GOLM2: variants seen among roughly 807,000 people sequenced by gnomAD.
The protein encoded by GOLM2 is golgi membrane protein 2.
A neutral mutation model predicts 55.9 loss-of-function variants in GOLM2; 26 were observed. That is an observed-to-expected ratio of 0.47 (90% confidence interval 0.34 to 0.65). The LOEUF is 0.65. GOLM2 is among the 30% of genes least tolerant of loss of function. GOLM2 has a pLI of 0.01. For missense variants in GOLM2, 486 were observed against 531.8 expected, an observed-to-expected ratio of 0.91 and a Z score of 0.85; for synonymous variants, 165 against 194.6, an observed-to-expected ratio of 0.85 and a Z score of 1.27.
intron 1 of GOLM2, among the ~76,000 whole-genome samples, chr15:44,321,181 G>T (rs1461371429): frequency 6.6e-6 from 1 of 152,016 alleles, no homozygotes; most frequent in Non-Finnish European, 1.5e-5. Context: ...GACTATAACA[G>T]ATTGCATGGG....
intron 4 of GOLM2, among the ~76,000 whole-genome samples, chr15:44,335,699 G>C (rs2079051554): frequency 6.6e-6 from 1 of 151,880 alleles, no homozygotes; most frequent in African/African-American, 2.4e-5. Context: ...TAAACTATCA[G>C]AATTGATTAT....
intron 1 of GOLM2, among the ~76,000 whole-genome samples, chr15:44,319,517 G>A (rs2078934809): frequency 6.6e-6 from 1 of 152,122 alleles, no homozygotes; most frequent in Admixed American, 6.6e-5. Flanking sequence ...ACCACGCCTG[G>A]CCTTCCAGTT....
intron 8 of GOLM2, among the ~76,000 whole-genome samples, chr15:44,383,102 C>T (rs138971487): frequency 0.019 from 2,799 of 150,636 alleles, 85 homozygotes; most frequent in African/African-American, 0.065. Flanking sequence ...AATATATACA[C>T]ATATATTCTG....
rs573621063 is a variant in GOLM2 at position 44,366,432 on chromosome 15, A to C, written c.803-13258A>C. Among the ~76,000 whole-genome samples, 12 of 152,182 alleles carry C rather than the reference A, an allele frequency of 7.9e-5. 1 individual carries two copies. In the South Asian group the frequency reaches 2.3e-3, roughly 29 times the overall value. On this transcript the variant is annotated intron_variant, in intron 6 of 9. Coordinates refer to ENST00000299957, the MANE Select transcript of GOLM2 (RefSeq NM_138423.4). ...TAAGGCAGGAGGATCGCTTGAGTCC[A>C]GGAGTTTGAGACCAGTCTGGACAAC...
rs140051987 is a variant in GOLM2, at chr15:44,355,388, G to A, written c.802+17071G>A. The A allele has an allele frequency of 1.9e-3, 327 of 167,866 alleles. 3 individuals are homozygous for A. The highest frequency in any genetic ancestry group is 6.7e-3 in the Admixed American group (104 of 15,504). The allele number at this position is 167,866 out of a possible 1,614,324, so 10.4% of individuals were successfully genotyped here. Reference sequence around the variant, plus strand: ...GGAGATCACTGGCATGGCCTTCCTCGTCCCTACCACCAATGTGTCAGTTGT... The same window carrying A: ...GGAGATCACTGGCATGGCCTTCCTCATCCCTACCACCAATGTGTCAGTTGT... On this transcript the variant is annotated intron_variant, in intron 6 of 9. Transcript: ENST00000299957.
chr15:44,374,120 T>A (rs1035874700), intron 6 of GOLM2, among the ~76,000 whole-genome samples: 1 of 151,894 alleles, frequency 6.6e-6, no homozygotes, highest in Non-Finnish European at 1.5e-5. Context: ...TAAATAAATA[T>A]ATAAATAAAT....
At chr15:44,400,574 C>CGT (rs1411083873) in intron 8 of GOLM2, among the ~76,000 whole-genome samples, 4 of 111,022 alleles carry the variant, frequency 3.6e-5, no homozygotes, top group African/African-American at 1.6e-4. Context: ...GCCTTGCCGC[C>CGT]TTTTTTTTTT....
At chr15:44,359,156 T>TAAG (rs906610850) in intron 6 of GOLM2, among the ~76,000 whole-genome samples, 32 of 147,534 alleles carry the variant, frequency 2.2e-4, no homozygotes, top group Non-Finnish European at 4.2e-4. Flanking sequence ...TCTCAAAAAA[T>TAAG]AATAATAATA....
chr15:44,339,082 A>G (rs2079075222), intron 6 of GOLM2, among the ~76,000 whole-genome samples: 1 of 152,162 alleles, frequency 6.6e-6, no homozygotes, highest in Admixed American at 6.6e-5. Context: ...TCTCAGTCTC[A>G]GTAATTACTT....
intron 6 of GOLM2, among the ~76,000 whole-genome samples, chr15:44,377,825 A>G (rs1392937968): frequency 1.3e-5 from 2 of 151,882 alleles, no homozygotes; most frequent in African/African-American, 4.8e-5. Context: ...ATAAGATAGT[A>G]TATATGATAT....
At chr15:44,365,251 G>T (rs980171711) in intron 6 of GOLM2, among the ~76,000 whole-genome samples, 2 of 152,172 alleles carry the variant, frequency 1.3e-5, no homozygotes, top group Non-Finnish European at 2.9e-5. Context: ...AGAAAGCTGG[G>T]TGTGGTAATT....
chr15:44,347,463 A>T (rs1003057174), intron 6 of GOLM2, among the ~76,000 whole-genome samples: 1 of 152,154 alleles, frequency 6.6e-6, no homozygotes, highest in African/African-American at 2.4e-5. Flanking sequence ...AGTGCTGCCA[A>T]CACTGAGCAG....
At chr15:44,330,135 C>T (rs1374575365) in intron 3 of GOLM2, among the ~76,000 whole-genome samples, 2 of 146,424 alleles carry the variant, frequency 1.4e-5, no homozygotes, top group Non-Finnish European at 3.0e-5. Flanking sequence ...TGGTCTCGAT[C>T]TCCTGACCTC....
chr15:44,395,996 A>G (rs560483723), intron 8 of GOLM2, among the ~76,000 whole-genome samples: 1 of 152,296 alleles, frequency 6.6e-6, no homozygotes, highest in African/African-American at 2.4e-5. Context: ...ATACAAACAT[A>G]CATGTATACC....
At chr15:44,315,161 A>G (rs545828823) in intron 1 of GOLM2, among the ~76,000 whole-genome samples, 138 of 152,338 alleles carry the variant, frequency 9.1e-4, no homozygotes, top group African/African-American at 3.1e-3. Context: ...GGTGATTCTG[A>G]GCATCAGCCA....
chr15:44,383,667 C>CT (rs1328817225), intron 8 of GOLM2, among the ~76,000 whole-genome samples: 2 of 141,580 alleles, frequency 1.4e-5, no homozygotes, highest in African/African-American at 5.2e-5. Flanking sequence ...TTTTCTTTTT[C>CT]TTTTTTTCTT....
chr15:44,364,115 G>A (rs569420657), intron 6 of GOLM2, among the ~76,000 whole-genome samples: 22 of 152,100 alleles, frequency 1.4e-4, no homozygotes, highest in South Asian at 6.2e-4. Flanking sequence ...AGTGGGTGCC[G>A]CGCACCAGCA....
At chr15:44,341,580 G>A (rs1029478813) in intron 6 of GOLM2, among the ~76,000 whole-genome samples, 1 of 151,484 alleles carries the variant, frequency 6.6e-6, no homozygotes, top group African/African-American at 2.4e-5. Flanking sequence ...ATCAGACAGT[G>A]GTTTTCAAAT....
chr15:44,340,737 T>C (rs1461354563), intron 6 of GOLM2, among the ~76,000 whole-genome samples: 2 of 152,232 alleles, frequency 1.3e-5, no homozygotes, highest in Non-Finnish European at 2.9e-5. Context: ...ATGCTAAAAT[T>C]TGAGAACCAC....
Sources: gnomAD v4.1 joint callset for allele counts (sites outside exome capture counted in the v4.1 genomes callset) on GRCh38, gnomAD v4.1.1 for gene constraint, MANE v1.5 for transcripts, NCBI Gene and HGNC (gene_info 2026-07-23, HGNC 2026-07-21) for gene names.